The following ERFE variants were observed in gnomAD, a reference collection of about 807,000 sequenced individuals.
The protein encoded by ERFE is complement C1q tumor necrosis factor-related protein 15.
In ERFE, 25 loss-of-function variants were observed where a neutral mutation model predicts 26.6. The observed-to-expected ratio is 0.94, with a 90% CI of 0.69 to 1.31. The LOEUF (loss-of-function observed/expected upper bound fraction) is 1.31, where lower values mean the gene tolerates loss of function less well. ERFE is among the 40% of genes most tolerant of loss of function. ERFE has a pLI of 0.00. For missense variants in ERFE, 447 were observed against 440.2 expected (o/e 1.02, Z -0.14); for synonymous variants, 206 against 204.5 (o/e 1.01, Z -0.06).
chr2:238,167,075 C>G lies in ERFE; in HGVS notation c.*21C>G. The stretch of plus-strand genomic sequence containing the variant: ...TGTGAGCGGCCACCACAGGCCCTTC[C>G]TCTCAGGGGCAAATGGAGCACAGAT... On this transcript the variant is annotated 3_prime_UTR_variant, in exon 8 of 8. Coordinates refer to ENST00000546354, the MANE Select transcript of ERFE (RefSeq NM_001291832.2). 1.9e-6 allele frequency: 3 copies of G among 1,544,108 alleles called. No homozygotes were observed. The highest frequency in any genetic ancestry group is 8.8e-7 in the Non-Finnish European group (1 of 1,141,880).
chr2:238,165,850 T>A (rs1693026081), intron 7 of ERFE, among the ~76,000 whole-genome samples, 166 bp downstream of exon 7: 1 of 152,216 alleles, frequency 6.6e-6, no homozygotes, highest in Non-Finnish European at 1.5e-5. Context: ...CTCACTTTGG[T>A]CTGGGCGCAG....
rs1475000387 is a variant in ERFE at position 238,167,047 on chromosome 2, G to A, written c.1058G>A (p.Gly353Asp). ...TCCCACTTCAGTGCTGTCCTCCTGG[G>A]CGTGTGAGCGGCCACCACAGGCCCT... is the stretch of plus-strand genomic sequence containing the variant. ...SGSHFSAVLL[G>D]V The change falls in exon 8 of 8, where the codon GGC becomes GAC. Residue 353 changes from glycine to aspartate, a missense_variant. By Grantham distance (94) the Gly-to-Asp change is moderately conservative. Coordinates refer to ENST00000546354, the MANE Select transcript of ERFE (RefSeq NM_001291832.2). The A allele has an allele frequency of 3.2e-6, 5 of 1,550,262 alleles. No homozygotes were observed. The South Asian group carries it at 3.6e-5, about 11-fold the overall frequency.
Position 238,168,559 on chromosome 2 carries a change from A to G in ERFE, c.*1505A>G. On this transcript the variant is annotated 3_prime_UTR_variant, in exon 8 of 8. Coordinates refer to ENST00000546354, the MANE Select transcript of ERFE (RefSeq NM_001291832.2). ...CCCAGCTTCCAAACCCCAACATCGA[A>G]TCAAACATCTCCATCCCCAAGTGCA... 2 of 429,166 alleles carry G rather than the reference A, an allele frequency of 4.7e-6. No homozygotes were observed. Among genetic ancestry groups the G allele is most frequent in the South Asian group, 3.4e-5 (2 of 58,110 alleles). The allele number at this position is 429,166 out of a possible 1,614,324, so 26.6% of individuals were successfully genotyped here. A position where few individuals can be genotyped will look rare whatever the true frequency, so the allele number is the denominator to read the frequency against.
intron 5 of ERFE, 40 bp downstream of exon 5, chr2:238,164,223 C>T: frequency 7.0e-7 from 1 of 1,434,578 alleles, no homozygotes; most frequent in African/African-American, 1.5e-5. Flanking sequence ...GCTCTGTCGC[C>T]CACCCCGCCG....
chr2:238,168,692 T>G lies in ERFE; in HGVS notation c.*1638T>G, dbSNP rs960252830. 7.9e-5 allele frequency: 25 copies of G among 315,882 alleles called. No individual in the cohort carries two copies. The highest frequency in any genetic ancestry group is 1.5e-4 in the Non-Finnish European group (23 of 158,082). 19.6% of individuals were successfully genotyped at this position (315,882 alleles called of 1,614,324 possible). A position where few individuals can be genotyped will look rare whatever the true frequency, so the allele number is the denominator to read the frequency against. On this transcript the variant is annotated 3_prime_UTR_variant, in exon 8 of 8. Transcript: ENST00000546354. ...GTACTGGGCTGGCCTGGGTACTGCA[T>G]CCGTGTGTTTTGATAAGGGGGTGAT... is the stretch of plus-strand genomic sequence containing the variant.
Position 238,164,272 on chromosome 2 carries a change from C to G in ERFE, c.799C>G (p.Leu267Val), listed in dbSNP as rs1248489323. The change falls in exon 6 of 8, where the codon CTC (leucine) becomes GTC (valine). Residue 267 changes from leucine to valine, a missense_variant and splice_region_variant. Coordinates refer to ENST00000546354, the MANE Select transcript of ERFE (RefSeq NM_001291832.2). ...YALAATLHVA[L>V]GEPPRRGPPR... is the part of the protein sequence containing the mutation. ...CCACGTCCCACCCTCCCCCGCAGCGCTCGGGGAGCCGCCGAGGAGGGGGCC... is the reference window on the plus strand; with the variant it reads ...CCACGTCCCACCCTCCCCCGCAGCGGTCGGGGAGCCGCCGAGGAGGGGGCC... 1 of 1,506,196 alleles carries G rather than the reference C, an allele frequency of 6.6e-7. No homozygotes were observed. The highest frequency in any genetic ancestry group is 2.7e-5 in the East Asian group (1 of 37,512). The allele number at this position is 1,506,196 out of a possible 1,614,324, so 93.3% of individuals were successfully genotyped here. A position where few individuals can be genotyped will look rare whatever the true frequency, so the allele number is the denominator to read the frequency against.
chr2:238,163,541 T>C (rs555831158), intron 3 of ERFE, 196 bp from the exon 4 acceptor site: 2 of 636,244 alleles, frequency 3.1e-6, no homozygotes, highest in Admixed American at 9.0e-5. Context: ...TTCCCAAATC[T>C]TGAGGGAAAC....
At position 238,168,547 on chromosome 2, in the gene ERFE, C is replaced by T; in HGVS notation, c.*1493C>T. 2.3e-6 allele frequency: 1 copy of T among 438,524 alleles called. No individual in the cohort carries two copies. Among genetic ancestry groups the T allele is most frequent in the South Asian group, 1.7e-5 (1 of 60,022 alleles). The allele number at this position is 438,524 out of a possible 1,614,324, so 27.2% of individuals were successfully genotyped here. A position where few individuals can be genotyped will look rare whatever the true frequency, so the allele number is the denominator to read the frequency against. ...GATCCCCAGGAGCCCAGCTTCCAAA[C>T]CCCAACATCGAATCAAACATCTCCA... On this transcript the variant is annotated 3_prime_UTR_variant, in exon 8 of 8. Coordinates refer to ENST00000546354, the MANE Select transcript of ERFE (RefSeq NM_001291832.2).
chr2:238,160,642 G>A (rs964405568), intron 1 of ERFE, among the ~76,000 whole-genome samples: 1 of 152,266 alleles, frequency 6.6e-6, no homozygotes, highest in East Asian at 1.9e-4. Context: ...CCTGGCCTGC[G>A]CATTGGTCAG....
chr2:238,162,028 G>A (rs187795470), intron 2 of ERFE, among the ~76,000 whole-genome samples: 1 of 152,354 alleles, frequency 6.6e-6, no homozygotes, highest in Non-Finnish European at 1.5e-5. Flanking sequence ...GCCTGCAGGA[G>A]TGCCTGGCTC....
chr2:238,167,131 CAGTGGCCACATGGAGGAGG>C lies in ERFE; in HGVS notation c.*80_*98del, dbSNP rs1441433441. On this transcript the variant is annotated 3_prime_UTR_variant, in exon 8 of 8. Coordinates refer to ENST00000546354, the MANE Select transcript of ERFE (RefSeq NM_001291832.2). ...CAATGTGTGGACAGTGTCAGAGTAGCAGTGGCCACATGGAGGAGGAGGCCCACCCGGAACTCTGCCCACA... is the reference window on the plus strand; with the variant it reads ...CAATGTGTGGACAGTGTCAGAGTAGCAGGCCCACCCGGAACTCTGCCCACA... The C allele has an allele frequency of 7.0e-7, 1 of 1,428,328 alleles. No homozygotes were observed. Among genetic ancestry groups the C allele is most frequent in the Non-Finnish European group, 9.6e-7 (1 of 1,043,872 alleles). 88.5% of individuals were successfully genotyped at this position (1,428,328 alleles called of 1,614,324 possible).
At chr2:238,166,832 C>T in intron 7 of ERFE, 124 bp from the exon 8 acceptor site, 1 of 789,598 alleles carries the variant, frequency 1.3e-6, no homozygotes, top group Non-Finnish European at 2.0e-6. Context: ...ACATTCTTCT[C>T]TGGGCCTGAG....
Position 238,162,786 on chromosome 2 carries a change from C to T in ERFE, c.372C>T (p.Gly124=), listed in dbSNP as rs552870185. 2.6e-6 allele frequency: 4 copies of T among 1,550,366 alleles called. No homozygotes were observed. In the East Asian group the frequency reaches 7.3e-5, roughly 28 times the overall value. The stretch of plus-strand genomic sequence containing the variant: ...CTCCCGGTCCCCAGGGCCCCCCAGG[C>T]CCCATCATCCCACCCGAGGCGCTGC... ...PGPPGPQGPP[G]PIIPPEALLK... The change falls in exon 3 of 8, where the codon GGC becomes GGT. Residue 124 remains glycine (G), a synonymous_variant. Coordinates refer to ENST00000546354, the MANE Select transcript of ERFE (RefSeq NM_001291832.2).
intron 6 of ERFE, 26 bp downstream of exon 6, chr2:238,164,386 A>C (rs1037885925): frequency 6.5e-7 from 1 of 1,540,284 alleles, no homozygotes; most frequent in Admixed American, 2.0e-5. Flanking sequence ...CCCGGACCCC[A>C]CACCCGCATT....
rs1693044603 is a variant in ERFE at position 238,166,872 on chromosome 2, G to A, written c.967-84G>A. The A allele has an allele frequency of 6.2e-6, 7 of 1,136,762 alleles. No individual in the cohort carries two copies. In the East Asian group the frequency reaches 1.5e-4, roughly 25 times the overall value. The allele number at this position is 1,136,762 out of a possible 1,614,324, so 70.4% of individuals were successfully genotyped here. On this transcript the variant is annotated intron_variant, in intron 7 of 7. Transcript: ENST00000546354. ...TCCCAAAAGCGGGGCTGAGTGGGCA[G>A]GAGGGAGTGTGGCTGGCTGGCCCTT...
In ERFE at chr2:238,167,206, C is replaced by T. The variant is rs1460092534; in HGVS notation, c.*152C>T. 1 of 838,766 alleles carries T rather than the reference C, an allele frequency of 1.2e-6. No individual in the cohort carries two copies. The highest frequency in any genetic ancestry group is 2.6e-5 in the East Asian group (1 of 37,842). The allele number at this position is 838,766 out of a possible 1,614,324, so 52.0% of individuals were successfully genotyped here. A position where few individuals can be genotyped will look rare whatever the true frequency, so the allele number is the denominator to read the frequency against. On this transcript the variant is annotated 3_prime_UTR_variant, in exon 8 of 8. Transcript: ENST00000546354. The stretch of plus-strand genomic sequence containing the variant: ...CACTGCAGTTCAGCCCACAGAGCCA[C>T]TGCAGGCAGGCCTACGGACGTGACA...
chr2:238,165,784 C>A, intron 7 of ERFE, 100 bp downstream of exon 7: 1 of 1,111,956 alleles, frequency 9.0e-7, no homozygotes, highest in Non-Finnish European at 1.3e-6. Flanking sequence ...ATCACTGGGT[C>A]GGGTGCAGCA....
intron 1 of ERFE, among the ~76,000 whole-genome samples, chr2:238,159,980 G>A (rs930410364): frequency 1.3e-5 from 2 of 152,170 alleles, no homozygotes; most frequent in Admixed American, 6.5e-5. Context: ...GTGCAGCCAG[G>A]CCTGGGGTCC....
At chr2:238,159,717 C>T (rs1019279841) in intron 1 of ERFE, among the ~76,000 whole-genome samples, 1 of 152,158 alleles carries the variant, frequency 6.6e-6, no homozygotes, top group African/African-American at 2.4e-5. Flanking sequence ...TGATCTTGAG[C>T]TCTGCCCTGC....
Sources: gnomAD v4.1 joint callset for allele counts (sites outside exome capture counted in the v4.1 genomes callset) on GRCh38, gnomAD v4.1.1 for gene constraint, MANE v1.5 for transcripts, NCBI Gene and HGNC (gene_info 2026-07-23, HGNC 2026-07-21) for gene names.